The following FBXO8 variants were observed in gnomAD, a reference collection of about 807,000 sequenced individuals.
FBXO8 encodes F-box protein 8, also known as F-box only protein 8.
A neutral mutation model predicts 33.4 loss-of-function variants in FBXO8; 15 were observed. The observed-to-expected ratio is 0.45, with a 90% confidence interval of 0.30 to 0.69. The LOEUF is 0.69. FBXO8 is among the 30% of genes least tolerant of loss of function. FBXO8 has a pLI of 0.08. For missense variants in FBXO8, 274 were observed against 380.3 expected (o/e 0.72, Z 2.32); for synonymous variants, 132 against 131.5 (o/e 1.00, Z -0.02).
chr4:174,274,531 G>A lies in FBXO8; in HGVS notation c.-9+8879C>T, dbSNP rs1159415237. ...ATTTGGGATCTGTGAAATTTGGAGA[G>A]ATGCCATTTACATAGCAAGGCCATA... On this transcript the variant is annotated intron_variant, in intron 1 of 5. Coordinates refer to ENST00000393674, the MANE Select transcript of FBXO8 (RefSeq NM_012180.3). The surrounding 1 kb of genome is among the most constrained non-coding windows in gnomAD (Gnocchi z 4.0). Among the ~76,000 whole-genome samples the A allele has an allele frequency of 6.6e-6, 1 of 152,186 alleles. No individual in the cohort carries two copies. Among genetic ancestry groups the A allele is most frequent in the Admixed American group, 6.5e-5 (1 of 15,280 alleles).
intron 4 of FBXO8, among the ~76,000 whole-genome samples, chr4:174,240,336 G>A (rs1374815907): frequency 6.6e-6 from 1 of 151,686 alleles, no homozygotes; most frequent in East Asian, 1.9e-4. Context: ...CTCTAGCAAA[G>A]TTTCTGGAAT....
chr4:174,274,142 T>A lies in FBXO8; in HGVS notation c.-9+9268A>T, dbSNP rs1736899400. On this transcript the variant is annotated intron_variant, in intron 1 of 5. Transcript: ENST00000393674. This position sits in a 1 kb window ranked among gnomAD's most constrained non-coding sequence, Gnocchi z 4.0. ...CCGTCACTGTTTATTACCTCCATCG[T>A]TGGTCCCAGCTGCAGCTGCTCTTTC... 6.6e-6 allele frequency among the ~76,000 whole-genome samples: 1 copy of A among 152,224 alleles called. No individual in the cohort carries two copies. Among genetic ancestry groups the A allele is most frequent in the Non-Finnish European group, 1.5e-5 (1 of 68,032 alleles).
In FBXO8 at chr4:174,262,949, T is replaced by G; in HGVS notation, c.144A>C (p.Gln48His). 6.2e-7 allele frequency: 1 copy of G among 1,614,076 alleles called. No individual in the cohort carries two copies. ...AAAGATGATATATGTCAATGCCTCCTTGGACTTGTTTACGATGATTGGTGT... is the reference window on the plus strand; with the variant it reads ...AAAGATGATATATGTCAATGCCTCCGTGGACTTGTTTACGATGATTGGTGT... ...ISNTNHRKQV[Q>H]GGIDIYHLLK... The change falls in exon 2 of 6, where the codon CAA (glutamine) becomes CAC (histidine). Residue 48 changes from glutamine to histidine, a missense_variant. Physicochemically the swap from Gln to His is conservative, Grantham distance 24. This residue lies in a region of FBXO8 where 88 missense variants were observed against 86.9 expected (regional missense o/e 1.01). Transcript: ENST00000393674. This position sits in a 1 kb window ranked among gnomAD's most constrained non-coding sequence, Gnocchi z 4.6.
At chr4:174,273,280 C>T (rs1013633775) in intron 1 of FBXO8, among the ~76,000 whole-genome samples, 7 of 142,138 alleles carry the variant, frequency 4.9e-5, no homozygotes, top group African/African-American at 1.8e-4. Flanking sequence ...GAGCAAAACT[C>T]TGTTCCTAAA....
chr4:174,239,267 C>T (rs1205549112), intron 4 of FBXO8, 77 bp from the exon 5 acceptor site: 2 of 1,051,994 alleles, frequency 1.9e-6, no homozygotes, highest in Non-Finnish European at 2.6e-6. Flanking sequence ...AACAAATTTC[C>T]ATTTTTTGGA....
rs1046133218 is a variant in FBXO8 at position 174,274,052 on chromosome 4, G to A, written c.-9+9358C>T. On this transcript the variant is annotated intron_variant, in intron 1 of 5. Coordinates refer to ENST00000393674, the MANE Select transcript of FBXO8 (RefSeq NM_012180.3). This position sits in a 1 kb window ranked among gnomAD's most constrained non-coding sequence, Gnocchi z 4.0. ...AAACCATATTCCCAGAACCGCTGGA[G>A]CCCATGGATGACAAAAGCAATTTAC... Among the ~76,000 whole-genome samples, 8 of 152,284 alleles carry A rather than the reference G, an allele frequency of 5.3e-5. No homozygotes were observed. The highest frequency in any genetic ancestry group is 1.9e-4 in the African/African-American group (8 of 41,558).
rs140182948 is a variant in FBXO8 at position 174,268,100 on chromosome 4, T to A, written c.-8-5000A>T. On this transcript the variant is annotated intron_variant, in intron 1 of 5. Transcript: ENST00000393674. ...AAGAAACACGGTTGCTTCTTGTTAT[T>A]CATGGCAATTATGTTCTTTAAAGTT... Among the ~76,000 whole-genome samples the A allele has an allele frequency of 2.8e-4, 42 of 152,340 alleles. No homozygotes were observed. In the East Asian group the frequency reaches 7.1e-3, roughly 26 times the overall value.
At position 174,272,048 on chromosome 4, in the gene FBXO8, T is replaced by C. The variant is rs984502827; in HGVS notation, c.-8-8948A>G. On this transcript the variant is annotated intron_variant, in intron 1 of 5. Transcript: ENST00000393674. The surrounding 1 kb of genome is among the most constrained non-coding windows in gnomAD (Gnocchi z 4.7). ...CTCCTAAGGCAATGTTTCCTAAACTTGGATTATGAGTGTTCAGTGAACTAA... is the reference window on the plus strand; with the variant it reads ...CTCCTAAGGCAATGTTTCCTAAACTCGGATTATGAGTGTTCAGTGAACTAA... 3.3e-5 allele frequency among the ~76,000 whole-genome samples: 5 copies of C among 152,358 alleles called. No homozygotes were observed. The South Asian group carries it at 6.2e-4, about 19-fold the overall frequency.
intron 4 of FBXO8, among the ~76,000 whole-genome samples, chr4:174,239,612 T>C (rs1160073021): frequency 2.6e-5 from 4 of 151,930 alleles, no homozygotes; most frequent in Admixed American, 6.6e-5. Context: ...ACTATTTACA[T>C]AGACTTTTAA....
At position 174,255,828 on chromosome 4, in the gene FBXO8, T is replaced by G. The variant is rs1207826069; in HGVS notation, c.456+3871A>C. Among the ~76,000 whole-genome samples, 1 of 152,166 alleles carries G rather than the reference T, an allele frequency of 6.6e-6. No homozygotes were observed. The highest frequency in any genetic ancestry group is 1.5e-5 in the Non-Finnish European group (1 of 68,032). ...AATTACTTCATTATACTACTGCTAG[T>G]GGAATAAAATTGACACACACAACTT... On this transcript the variant is annotated intron_variant, in intron 3 of 5. Transcript: ENST00000393674. This position sits in a 1 kb window ranked among gnomAD's most constrained non-coding sequence, Gnocchi z 4.3.
At position 174,259,849 on chromosome 4, in the gene FBXO8, C is replaced by A. The variant is rs368895376; in HGVS notation, c.330-24G>T. 1.0e-5 allele frequency: 16 copies of A among 1,554,900 alleles called. No individual in the cohort carries two copies. In the African/African-American group the frequency reaches 1.8e-4, roughly 18 times the overall value. ...ACCTATAAAATCAGAGAAAATGAGA[C>A]AAGAAAACATTACTACATTTAATTT... On this transcript the variant is annotated intron_variant, in intron 2 of 5. Transcript: ENST00000393674. The surrounding 1 kb of genome is among the most constrained non-coding windows in gnomAD (Gnocchi z 4.3).
At position 174,261,676 on chromosome 4, in the gene FBXO8, T is replaced by C. The variant is rs1332523226; in HGVS notation, c.329+1088A>G. ...AAATGAGTAAAAGAATAACAAGATA[T>C]GATATTGATGATTTTTATCTATTTA... On this transcript the variant is annotated intron_variant, in intron 2 of 5. Transcript: ENST00000393674. The surrounding 1 kb of genome is among the most constrained non-coding windows in gnomAD (Gnocchi z 4.1). Among the ~76,000 whole-genome samples the C allele has an allele frequency of 6.6e-6, 1 of 151,988 alleles. No individual in the cohort carries two copies. The highest frequency in any genetic ancestry group is 2.4e-5 in the African/African-American group (1 of 41,430).
At chr4:174,250,215 C>T (rs561122255) in intron 3 of FBXO8, among the ~76,000 whole-genome samples, 1 of 151,704 alleles carries the variant, frequency 6.6e-6, no homozygotes, top group African/African-American at 2.4e-5. Flanking sequence ...GCCAACATTA[C>T]ATAAATTGTA....
intron 3 of FBXO8, among the ~76,000 whole-genome samples, chr4:174,249,386 G>A (rs1007163035): frequency 3.9e-5 from 6 of 151,958 alleles, no homozygotes; most frequent in African/African-American, 1.4e-4. Flanking sequence ...TGAAACTAAT[G>A]AGAAAGTGAC....
In FBXO8 at chr4:174,255,260, G is replaced by C. The variant is rs141893656; in HGVS notation, c.456+4439C>G. ...TTTTTCACCACTGTTGCTACGCTAT[G>C]AAGTAATGGTAATGACGATTTTGTT... On this transcript the variant is annotated intron_variant, in intron 3 of 5. Coordinates refer to ENST00000393674, the MANE Select transcript of FBXO8 (RefSeq NM_012180.3). The surrounding 1 kb of genome is among the most constrained non-coding windows in gnomAD (Gnocchi z 4.3). Among the ~76,000 whole-genome samples the C allele has an allele frequency of 2.0e-3, 312 of 152,264 alleles. 1 individual carries two copies. Among genetic ancestry groups the C allele is most frequent in the Middle Eastern group, 3.4e-3 (1 of 294 alleles).
intron 1 of FBXO8, among the ~76,000 whole-genome samples, chr4:174,266,891 A>T (rs1736708395): frequency 6.6e-6 from 1 of 152,240 alleles, no homozygotes; most frequent in Admixed American, 6.5e-5. Context: ...TTACTTTGAC[A>T]AGCATATTTT....
At chr4:174,244,128 AG>A (rs569223843) in intron 3 of FBXO8, among the ~76,000 whole-genome samples, 28 of 151,628 alleles carry the variant, frequency 1.8e-4, no homozygotes, top group Admixed American at 4.0e-4. Context: ...GTGTGGTTGT[AG>A]TGAAGATATT....
At chr4:174,269,161 T>C (rs1285758127) in intron 1 of FBXO8, 1 of 152,200 alleles carries the variant, frequency 6.6e-6, no homozygotes, top group Admixed American at 6.5e-5. Flanking sequence ...ACATGTTTTT[T>C]CTTGGTCTAC....
intron 3 of FBXO8, among the ~76,000 whole-genome samples, chr4:174,242,843 C>G (rs1461921920): frequency 1.3e-5 from 2 of 151,364 alleles, no homozygotes; most frequent in African/African-American, 4.8e-5. Context: ...TTCCAAAATT[C>G]CTCAGTGTAA....
Sources: allele counts gnomAD v4.1 joint callset (sites outside exome capture counted in the v4.1 genomes callset), GRCh38; gene constraint gnomAD v4.1.1; regional missense constraint gnomAD v4.1.1; non-coding constraint Gnocchi (gnomAD v3.1); transcripts MANE v1.5; gene names NCBI Gene and HGNC (gene_info 2026-07-23, HGNC 2026-07-21).